The following CHL1 variants were observed in gnomAD, a reference collection of about 807,000 sequenced individuals.
CHL1 encodes the protein neural cell adhesion molecule L1-like protein.
In CHL1, 96 loss-of-function variants were observed where a neutral mutation model predicts 141.9. The observed-to-expected ratio is 0.68, with a 90% CI of 0.57 to 0.80. The LOEUF (loss-of-function observed/expected upper bound fraction) is 0.80, where lower values mean the gene tolerates loss of function less well. Ranked by LOEUF, CHL1 falls within the 30% of genes least tolerant of loss-of-function variation. The pLI is 0.00. For synonymous variants in CHL1, 613 were observed against 502.2 expected, an observed-to-expected ratio of 1.22 and a Z score of -2.95; for missense variants, 1,820 against 1,457.2, an observed-to-expected ratio of 1.25 and a Z score of -4.05.
At chr3:351,386 A>G (rs1005466627) in intron 10 of CHL1, among the ~76,000 whole-genome samples, 2 of 152,168 alleles carry the variant, frequency 1.3e-5, no homozygotes, top group South Asian at 4.1e-4. Context: ...CTTCAGTTGT[A>G]TGTTTTTGAA....
intron 1 of CHL1, among the ~76,000 whole-genome samples, chr3:204,841 T>C (rs1407434504): frequency 4.4e-4 from 67 of 152,182 alleles, no homozygotes; most frequent in Non-Finnish European, 4.4e-5. Context: ...TTGTGTGCTT[T>C]ATGCTTTTTA....
chr3:211,599 C>G (rs747958158), intron 1 of CHL1, among the ~76,000 whole-genome samples: 2 of 152,180 alleles, frequency 1.3e-5, no homozygotes, highest in African/African-American at 2.4e-5. Context: ...ACCATACATA[C>G]TATCATTCTT....
intron 2 of CHL1, among the ~76,000 whole-genome samples, chr3:260,014 C>T (rs1311200533): frequency 6.6e-5 from 10 of 152,162 alleles, no homozygotes; most frequent in Admixed American, 4.6e-4. Context: ...CTTGCAATCC[C>T]AGCACTCTAG....
At chr3:338,361 G>A (rs1702101234) in intron 5 of CHL1, among the ~76,000 whole-genome samples, 1 of 152,146 alleles carries the variant, frequency 6.6e-6, no homozygotes, top group Non-Finnish European at 1.5e-5. Context: ...AAATATTACT[G>A]TTGTCCAAAC....
At chr3:350,062 A>G (rs754288537) in intron 10 of CHL1, among the ~76,000 whole-genome samples, 14 of 152,204 alleles carry the variant, frequency 9.2e-5, no homozygotes, top group Non-Finnish European at 1.9e-4. Flanking sequence ...TTTGTAATCC[A>G]TATCTTGGGT....
At chr3:389,515 G>T (rs1001820199) in intron 20 of CHL1, 41 bp downstream of exon 20, 2 of 1,466,192 alleles carry the variant, frequency 1.4e-6, no homozygotes, top group African/African-American at 2.8e-5. Context: ...GTCAGTAACT[G>T]TTGCTTTCAA....
At chr3:314,287 C>T (rs1211182255) in intron 2 of CHL1, among the ~76,000 whole-genome samples, 1 of 141,100 alleles carries the variant, frequency 7.1e-6, no homozygotes, top group African/African-American at 2.6e-5. Context: ...ATAACCTCCC[C>T]CCAATCTTGC....
intron 11 of CHL1, among the ~76,000 whole-genome samples, chr3:358,838 A>G (rs1703948755): frequency 6.6e-6 from 1 of 151,944 alleles, no homozygotes; most frequent in African/African-American, 2.4e-5. Context: ...AGAGACAATC[A>G]GAAAAGTAGA....
intron 9 of CHL1, among the ~76,000 whole-genome samples, chr3:348,265 A>G (rs537151699): frequency 2.0e-5 from 3 of 152,222 alleles, no homozygotes; most frequent in African/African-American, 7.2e-5. Context: ...GGAGCTTCAG[A>G]CTCCTTACTG....
chr3:332,053 G>A (rs1462373881), intron 5 of CHL1, among the ~76,000 whole-genome samples: 1 of 152,170 alleles, frequency 6.6e-6, no homozygotes, highest in African/African-American at 2.4e-5. Flanking sequence ...TCTTACTTAT[G>A]ACCAAACAAT....
chr3:291,698 A>AT lies in CHL1; in HGVS notation c.-94-27978dup, dbSNP rs138222661. On this transcript the variant is annotated intron_variant, in intron 2 of 27. Coordinates refer to ENST00000256509, the MANE Select transcript of CHL1 (RefSeq NM_006614.4). Reference sequence around the variant, plus strand: ...ATTTTTAGAGGTCATTTTTTTTCTCATTTTTTTAAAATACTGACTGACCCA... The same window carrying AT: ...ATTTTTAGAGGTCATTTTTTTTCTCATTTTTTTTAAAATACTGACTGACCCA... Among the ~76,000 whole-genome samples, 712 of 151,832 alleles carry AT rather than the reference A, an allele frequency of 4.7e-3. 10 individuals carry two copies. Among genetic ancestry groups the AT allele is most frequent in the African/African-American group, 0.016 (669 of 41,374 alleles).
At chr3:314,857 G>A (rs908515971) in intron 2 of CHL1, among the ~76,000 whole-genome samples, 3 of 152,130 alleles carry the variant, frequency 2.0e-5, no homozygotes, top group African/African-American at 7.2e-5. Context: ...CTTCTTAGGA[G>A]GAGCTACAAA....
In CHL1 at chr3:405,510, G is replaced by A. The variant is rs572672771; in HGVS notation, c.3474G>A (p.Lys1158=). 6.2e-7 allele frequency: 1 copy of A among 1,611,902 alleles called. No homozygotes were observed. Residue 1158 remains lysine (K), a synonymous_variant, in exon 28 of 28, where the codon AAG becomes AAA. Transcript: ENST00000256509. ...TFGEYSDSDE[K]PLKGSLRSLN... ...TGTTTTCTAGTGACAGTGATGAAAA[G>A]CCTCTCAAAGGAAGCCTTCGGTCCC...
chr3:361,957 T>C (rs945715066), intron 13 of CHL1, 147 bp downstream of exon 13: 38 of 580,446 alleles, frequency 6.5e-5, no homozygotes, highest in African/African-American at 6.1e-4. Context: ...AACTTACCGG[T>C]CCAGGAAATT....
intron 2 of CHL1, among the ~76,000 whole-genome samples, chr3:245,189 T>G (rs1246415856): frequency 6.6e-6 from 1 of 152,132 alleles, no homozygotes; most frequent in Non-Finnish European, 1.5e-5. Context: ...CTGACCTGAA[T>G]CCTTGATTGG....
chr3:241,410 G>A (rs1468606440), intron 1 of CHL1, among the ~76,000 whole-genome samples: 1 of 152,172 alleles, frequency 6.6e-6, no homozygotes, highest in Non-Finnish European at 1.5e-5. Flanking sequence ...TAACTTCAGA[G>A]TCACAACATG....
chr3:323,544 G>A (rs1261075623), intron 3 of CHL1, among the ~76,000 whole-genome samples: 2 of 152,082 alleles, frequency 1.3e-5, no homozygotes, highest in African/African-American at 4.8e-5. Flanking sequence ...ACATTTCAAT[G>A]AATGTTTAAA....
intron 11 of CHL1, among the ~76,000 whole-genome samples, chr3:357,126 C>T (rs1337167421): frequency 6.6e-6 from 1 of 152,188 alleles, no homozygotes; most frequent in Non-Finnish European, 1.5e-5. Context: ...CGAGACCACA[C>T]AGCTGAATAA....
chr3:376,258 C>G (rs1181372132), intron 15 of CHL1: 1 of 385,704 alleles, frequency 2.6e-6, no homozygotes, highest in Non-Finnish European at 5.1e-6. Flanking sequence ...AGTGTGACCC[C>G]GTGTGTGATT....
Sources: allele counts gnomAD v4.1 joint callset (sites outside exome capture counted in the v4.1 genomes callset), GRCh38; gene constraint gnomAD v4.1.1; transcripts MANE v1.5; gene names NCBI Gene and HGNC (gene_info 2026-07-23, HGNC 2026-07-21).